Variants in AK4 observed in about 807,000 individuals in gnomAD.
The protein encoded by AK4 is adenylate kinase 4, mitochondrial.
A neutral mutation model predicts 24.6 loss-of-function variants in AK4; 13 were observed. The ratio of observed to expected loss-of-function variants is 0.53; its 90% CI spans 0.34 to 0.84. The LOEUF (loss-of-function observed/expected upper bound fraction) is 0.84, where lower values mean the gene tolerates loss of function less well. Ranked by LOEUF, AK4 falls within the 40% of genes least tolerant of loss-of-function variation. The pLI is 0.01. For synonymous variants in AK4, 88 were observed against 107.0 expected (o/e 0.82, Z 1.10); for missense variants, 192 against 288.2 (o/e 0.67, Z 2.42).
Position 65,224,742 on chromosome 1 carries a change from G to T in AK4, c.439-10G>T. The T allele has an allele frequency of 6.2e-7, 1 of 1,607,510 alleles. No individual in the cohort carries two copies. The highest frequency in any genetic ancestry group is 1.1e-5 in the South Asian group (1 of 90,802). On this transcript the variant is annotated splice_polypyrimidine_tract_variant and intron_variant, in intron 3 of 4. Coordinates refer to ENST00000327299, the MANE Select transcript of AK4 (RefSeq NM_013410.4). ...TTGTCTATATTAATTGGTTTATTTG[G>T]TATTTGTAGGGTATTGATGACGTCA...
intron 2 of AK4, among the ~76,000 whole-genome samples, chr1:65,212,605 C>T (rs906339393): frequency 9.9e-5 from 15 of 152,176 alleles, no homozygotes; most frequent in Admixed American, 7.2e-4. Flanking sequence ...CCTTCTACCT[C>T]AGCCTCCCAA....
Position 65,227,194 on chromosome 1 carries a change from G to A in AK4, c.*1017G>A, listed in dbSNP as rs1478155682. ...ATTGAATAGTTAAGGTTTCTATTCG[G>A]GACAATAAAATGTATTTTGAAAGTG... On this transcript the variant is annotated 3_prime_UTR_variant, in exon 5 of 5. Coordinates refer to ENST00000327299, the MANE Select transcript of AK4 (RefSeq NM_013410.4). The A allele has an allele frequency of 1.6e-5, 2 of 127,894 alleles. No individual in the cohort carries two copies. Among genetic ancestry groups the A allele is most frequent in the African/African-American group, 3.1e-5 (1 of 32,654 alleles). 7.9% of individuals were successfully genotyped at this position (127,894 alleles called of 1,614,324 possible). A position where few individuals can be genotyped will look rare whatever the true frequency, so the allele number is the denominator to read the frequency against.
intron 2 of AK4, among the ~76,000 whole-genome samples, chr1:65,207,257 C>A (rs535485286): frequency 6.6e-6 from 1 of 152,254 alleles, no homozygotes. Context: ...TGCCCTGTCA[C>A]CCACGCTGGA....
At chr1:65,219,408 T>A (rs1471762288) in intron 3 of AK4, among the ~76,000 whole-genome samples, 2 of 152,050 alleles carry the variant, frequency 1.3e-5, no homozygotes, top group Non-Finnish European at 2.9e-5. Context: ...CATTAGCAGG[T>A]TAGGTCATGT....
chr1:65,226,241 G>A lies in AK4; in HGVS notation c.*64G>A, dbSNP rs1403061415. ...ATTCAATAGTGTGTGTAGTATTGGTGCTGTGTCCAAATTAGAAGCTAGCTG... is the reference window on the plus strand; with the variant it reads ...ATTCAATAGTGTGTGTAGTATTGGTACTGTGTCCAAATTAGAAGCTAGCTG... On this transcript the variant is annotated 3_prime_UTR_variant, in exon 5 of 5. Coordinates refer to ENST00000327299, the MANE Select transcript of AK4 (RefSeq NM_013410.4). The A allele has an allele frequency of 1.5e-6, 2 of 1,333,810 alleles. No individual in the cohort carries two copies. The highest frequency in any genetic ancestry group is 1.5e-5 in the South Asian group (1 of 66,784). 82.6% of individuals were successfully genotyped at this position (1,333,810 alleles called of 1,614,324 possible). A position where few individuals can be genotyped will look rare whatever the true frequency, so the allele number is the denominator to read the frequency against.
At position 65,218,890 on chromosome 1, in the gene AK4, G is replaced by A. The variant is rs1197974556; in HGVS notation, c.402G>A (p.Arg134=). The change falls in exon 3 of 5, where the codon AGG becomes AGA. Residue 134 remains arginine (R), a synonymous_variant. Coordinates refer to ENST00000327299, the MANE Select transcript of AK4 (RefSeq NM_013410.4). ...SRRWIHPPSG[R]VYNLDFNPPH... Reference sequence around the variant, plus strand: ...GTTGGATTCACCCTCCTAGCGGAAGGGTATATAACCTGGACTTCAATCCAC... The same window carrying A: ...GTTGGATTCACCCTCCTAGCGGAAGAGTATATAACCTGGACTTCAATCCAC... 8 of 1,604,774 alleles carry A rather than the reference G, an allele frequency of 5.0e-6. No individual in the cohort carries two copies. The highest frequency in any genetic ancestry group is 6.0e-6 in the Non-Finnish European group (7 of 1,176,020).
intron 2 of AK4, among the ~76,000 whole-genome samples, chr1:65,206,776 CAAACA>C (rs1318128103): frequency 6.6e-6 from 1 of 152,170 alleles, no homozygotes; most frequent in African/African-American, 2.4e-5. Context: ...GACCCTGTCT[CAAACA>C]AAACAAAAGA....
chr1:65,181,079 C>A (rs879707751), intron 1 of AK4, among the ~76,000 whole-genome samples: 1 of 150,454 alleles, frequency 6.6e-6, no homozygotes, highest in African/African-American at 2.5e-5. Context: ...AACATTCGTT[C>A]AGCTCTGTCT....
intron 2 of AK4, among the ~76,000 whole-genome samples, chr1:65,208,292 A>G (rs904018010): frequency 6.6e-6 from 1 of 152,176 alleles, no homozygotes; most frequent in African/African-American, 2.4e-5. Flanking sequence ...TCTTTGATAC[A>G]TGTACAAATA....
intron 1 of AK4, among the ~76,000 whole-genome samples, chr1:65,172,184 C>CT (rs1650560168): frequency 6.8e-6 from 1 of 147,202 alleles, no homozygotes; most frequent in South Asian, 2.2e-4. Flanking sequence ...TAAAACGTAA[C>CT]TTTTGTTTGT....
At position 65,161,181 on chromosome 1, in the gene AK4, C is replaced by G. The variant is rs1650147565; in HGVS notation, c.145+12629C>G. Among the ~76,000 whole-genome samples the G allele has an allele frequency of 2.0e-5, 3 of 152,018 alleles. No individual in the cohort carries two copies. The South Asian group carries it at 6.2e-4, about 32-fold the overall frequency. On this transcript the variant is annotated intron_variant, in intron 1 of 4. Coordinates refer to ENST00000327299, the MANE Select transcript of AK4 (RefSeq NM_013410.4). Reference sequence around the variant, plus strand: ...GACCAAAGGGGGTCAAAAATAGAAGCCATTTGGTTGTGAGGAGGTAGAAAT... The same window carrying G: ...GACCAAAGGGGGTCAAAAATAGAAGGCATTTGGTTGTGAGGAGGTAGAAAT...
At position 65,227,280 on chromosome 1, in the gene AK4, T is replaced by C. The variant is rs1177985158; in HGVS notation, c.*1103T>C. The C allele has an allele frequency of 6.9e-6, 1 of 144,706 alleles. No homozygotes were observed. The highest frequency in any genetic ancestry group is 2.6e-5 in the African/African-American group (1 of 39,054). 9.0% of individuals were successfully genotyped at this position (144,706 alleles called of 1,614,324 possible). On this transcript the variant is annotated 3_prime_UTR_variant, in exon 5 of 5. Transcript: ENST00000327299. Reference sequence around the variant, plus strand: ...ATGAGTGACCCAAACATATTATAAATATGTGGTAAAGGGAATGGAGCCTGT... The same window carrying C: ...ATGAGTGACCCAAACATATTATAAACATGTGGTAAAGGGAATGGAGCCTGT...
intron 1 of AK4, among the ~76,000 whole-genome samples, chr1:65,179,564 TGTG>T (rs566811043): frequency 6.6e-6 from 1 of 152,188 alleles, no homozygotes; most frequent in Non-Finnish European, 1.5e-5. Context: ...ATCGGCCAGG[TGTG>T]GTGGCTCATG....
chr1:65,224,064 C>T (rs757619102), intron 3 of AK4, among the ~76,000 whole-genome samples: 1 of 152,100 alleles, frequency 6.6e-6, no homozygotes, highest in Non-Finnish European at 1.5e-5. Flanking sequence ...TTTTGTTTTA[C>T]ATTGAGAAAG....
chr1:65,162,240 G>C (rs908726650), intron 1 of AK4, among the ~76,000 whole-genome samples: 11 of 152,208 alleles, frequency 7.2e-5, no homozygotes, highest in African/African-American at 2.6e-4. Context: ...AGTGAGAAGT[G>C]TCTTAAACAA....
chr1:65,162,432 T>C (rs1650198138), intron 1 of AK4, among the ~76,000 whole-genome samples: 1 of 152,194 alleles, frequency 6.6e-6, no homozygotes, highest in African/African-American at 2.4e-5. Context: ...GAGTTTGGGC[T>C]TCATTGTAAC....
intron 1 of AK4, among the ~76,000 whole-genome samples, chr1:65,189,571 C>T (rs1183414102): frequency 1.3e-5 from 2 of 152,124 alleles, no homozygotes; most frequent in East Asian, 3.8e-4. Flanking sequence ...AGCCACTGCG[C>T]CCAGCTGAGA....
intron 1 of AK4, among the ~76,000 whole-genome samples, chr1:65,170,346 T>C (rs1238025694): frequency 1.3e-5 from 2 of 152,046 alleles, no homozygotes; most frequent in Non-Finnish European, 2.9e-5. Context: ...CCAGTCTGGG[T>C]GACAGAGCGA....
chr1:65,160,865 A>T (rs968502424), intron 1 of AK4, among the ~76,000 whole-genome samples: 1 of 152,126 alleles, frequency 6.6e-6, no homozygotes, highest in East Asian at 1.9e-4. Context: ...AAAATGCTGG[A>T]ATTACAGGTG....
Sources: allele counts gnomAD v4.1 joint callset (sites outside exome capture counted in the v4.1 genomes callset), GRCh38; gene constraint gnomAD v4.1.1; transcripts MANE v1.5; gene names NCBI Gene and HGNC (gene_info 2026-07-23, HGNC 2026-07-21).